The following MOCOS variants were observed in gnomAD, a reference collection of about 807,000 sequenced individuals.
MOCOS encodes the protein human molybdenum cofactor sulfurase.
MOCOS carries 86 observed loss-of-function variants against 83.6 expected under a neutral mutation model. That is an observed-to-expected ratio of 1.03 (90% CI 0.86 to 1.23). MOCOS has a LOEUF of 1.23. Ranked by LOEUF, MOCOS falls within the 50% of genes most tolerant of loss-of-function variation. The probability of loss-of-function intolerance (pLI) is 0.00; values close to 1 mark genes in which losing one functional copy is unlikely to be tolerated. For missense variants in MOCOS, 1,120 were observed against 1,126.9 expected (o/e 0.99, Z 0.09); for synonymous variants, 445 against 434.7 (o/e 1.02, Z -0.29).
intron 12 of MOCOS, 73 bp downstream of exon 12, chr18:36,257,146 C>A: frequency 7.7e-7 from 1 of 1,303,106 alleles, no homozygotes; most frequent in Non-Finnish European, 1.1e-6. Context: ...TGGCACCTGC[C>A]TGGAGCGGAG....
At chr18:36,255,906 G>C (rs76702871) in intron 11 of MOCOS, among the ~76,000 whole-genome samples, 1 of 65,676 alleles carries the variant, frequency 1.5e-5, no homozygotes, top group Non-Finnish European at 2.7e-5. Flanking sequence ...TTTTTTTTTA[G>C]ACAGTTTTGC....
At chr18:36,257,500 G>T (rs995994880) in intron 12 of MOCOS, among the ~76,000 whole-genome samples, 2 of 152,062 alleles carry the variant, frequency 1.3e-5, no homozygotes, top group African/African-American at 4.8e-5. Context: ...AGCTTTTAAA[G>T]TTGTAATTGC....
In MOCOS at chr18:36,187,508, G is replaced by T. The variant is rs771394435; in HGVS notation, c.-32G>T. 1 of 1,228,422 alleles carries T rather than the reference G, an allele frequency of 8.1e-7. No homozygotes were observed. Among genetic ancestry groups the T allele is most frequent in the Non-Finnish European group, 1.0e-6 (1 of 985,248 alleles). 76.1% of individuals were successfully genotyped at this position (1,228,422 alleles called of 1,614,324 possible). A position where few individuals can be genotyped will look rare whatever the true frequency, so the allele number is the denominator to read the frequency against. On this transcript the variant is annotated 5_prime_UTR_variant, in exon 1 of 15. Transcript: ENST00000261326. ...GGGGCCGGCTTCGCGCACTTCCCGG[G>T]CCCGGCCGGCCTGGATGGACTAGCC...
intron 3 of MOCOS, 50 bp from the exon 4 acceptor site, chr18:36,199,633 A>C: frequency 6.2e-7 from 1 of 1,610,532 alleles, no homozygotes; most frequent in South Asian, 1.1e-5. Context: ...GCAAACATTC[A>C]GTGCTGGGGC....
intron 9 of MOCOS, among the ~76,000 whole-genome samples, chr18:36,226,894 T>TG (rs963454542): frequency 2.6e-5 from 4 of 151,040 alleles, no homozygotes; most frequent in African/African-American, 7.3e-5. Flanking sequence ...GTATCTTTTT[T>TG]TTTTTTTTTT....
intron 1 of MOCOS, among the ~76,000 whole-genome samples, chr18:36,192,406 C>T (rs2091369554): frequency 6.6e-6 from 1 of 152,100 alleles, no homozygotes; most frequent in Non-Finnish European, 1.5e-5. Flanking sequence ...AAAGAAGTAT[C>T]ACATACACTG....
chr18:36,207,962 A>G (rs1284574435), intron 6 of MOCOS, among the ~76,000 whole-genome samples: 1 of 151,964 alleles, frequency 6.6e-6, no homozygotes, highest in Non-Finnish European at 1.5e-5. Flanking sequence ...TCTTGAGTTT[A>G]TTTTTTTATG....
intron 10 of MOCOS, among the ~76,000 whole-genome samples, chr18:36,249,247 C>T (rs2091613827): frequency 6.6e-6 from 1 of 152,150 alleles, no homozygotes; most frequent in Non-Finnish European, 1.5e-5. Flanking sequence ...CTAGTTATAC[C>T]TCCACAGGGC....
At chr18:36,225,952 T>C (rs2091513738) in intron 9 of MOCOS, among the ~76,000 whole-genome samples, 1 of 151,774 alleles carries the variant, frequency 6.6e-6, no homozygotes, top group African/African-American at 2.4e-5. Context: ...TTTTAAGTCT[T>C]GTTTTAAGAC....
At chr18:36,214,086 A>G (rs553456932) in intron 7 of MOCOS, among the ~76,000 whole-genome samples, 4 of 151,756 alleles carry the variant, frequency 2.6e-5, no homozygotes, top group African/African-American at 9.7e-5. Flanking sequence ...TACTGAAAAT[A>G]TAAAATTATC....
chr18:36,233,458 T>C (rs1170243518), intron 9 of MOCOS, among the ~76,000 whole-genome samples: 2 of 152,224 alleles, frequency 1.3e-5, no homozygotes, highest in Admixed American at 1.3e-4. Flanking sequence ...TTAGGCTGGT[T>C]CCATATTTTT....
rs528119467 is a variant in MOCOS at position 36,270,711 on chromosome 18, CAAA to C, written c.*2043_*2045del. The C allele has an allele frequency of 0.043, 4,972 of 114,766 alleles. 140 individuals carry two copies. The highest frequency in any genetic ancestry group is 0.076 in the African/African-American group (2,483 of 32,644). 7.1% of individuals were successfully genotyped at this position (114,766 alleles called of 1,614,324 possible). ...CTGGTGACAGAGCAAGACTCCATCT[CAAA>C]AAAAAAAAAAAAAAAATTAGGTCAC... On this transcript the variant is annotated 3_prime_UTR_variant, in exon 15 of 15. Coordinates refer to ENST00000261326, the MANE Select transcript of MOCOS (RefSeq NM_017947.4).
chr18:36,267,430 A>G (rs1191955849), intron 14 of MOCOS, among the ~76,000 whole-genome samples: 1 of 152,250 alleles, frequency 6.6e-6, no homozygotes, highest in Non-Finnish European at 1.5e-5. Context: ...CAGTCAGGCT[A>G]CATAGAACAA....
In MOCOS at chr18:36,205,141, C is replaced by T; in HGVS notation, c.1083C>T (p.Ser361=). The part of the protein sequence containing the change: ...TLAQYTYVAL[S]SLQYPNGAPV... ...CTCAGTATACCTACGTGGCCCTGTC[C>T]TCTCTCCAGTACCCCAATGGAGCCC... The change falls in exon 6 of 15, where the codon TCC becomes TCT. Residue 361 remains serine (S), a synonymous_variant. Transcript: ENST00000261326. 1 of 1,611,176 alleles carries T rather than the reference C, an allele frequency of 6.2e-7. No individual in the cohort carries two copies. Among genetic ancestry groups the T allele is most frequent in the Non-Finnish European group, 8.5e-7 (1 of 1,177,580 alleles).
At chr18:36,245,039 G>T (rs8097690) in intron 9 of MOCOS, among the ~76,000 whole-genome samples, 2,670 of 152,194 alleles carry the variant, frequency 0.018, 80 homozygotes, top group African/African-American at 0.061. Flanking sequence ...TGAGTCTCTT[G>T]AAGACAGTAG....
intron 4 of MOCOS, among the ~76,000 whole-genome samples, chr18:36,202,545 A>G (rs939163425): frequency 8.5e-5 from 13 of 152,246 alleles, no homozygotes; most frequent in African/African-American, 3.1e-4. Context: ...GGTCAGGGCC[A>G]GAGGCAGCTG....
At chr18:36,204,140 C>T (rs1438442305) in intron 5 of MOCOS, among the ~76,000 whole-genome samples, 1 of 152,194 alleles carries the variant, frequency 6.6e-6, no homozygotes, top group Non-Finnish European at 1.5e-5. Context: ...GTAGTAAATA[C>T]ATTCACAATG....
At chr18:36,243,606 G>A (rs1598589008) in intron 9 of MOCOS, among the ~76,000 whole-genome samples, 1 of 151,976 alleles carries the variant, frequency 6.6e-6, no homozygotes. Context: ...CCTGGTTTTG[G>A]TATTAGGGTG....
intron 8 of MOCOS, 27 bp downstream of exon 8, chr18:36,216,004 A>G: frequency 2.5e-6 from 4 of 1,590,418 alleles, no homozygotes; most frequent in Non-Finnish European, 3.4e-6. Context: ...CAGCACAGAA[A>G]GTCTTCTCTT....
Sources: allele counts gnomAD v4.1 joint callset (sites outside exome capture counted in the v4.1 genomes callset), GRCh38; gene constraint gnomAD v4.1.1; transcripts MANE v1.5; gene names NCBI Gene and HGNC (gene_info 2026-07-23, HGNC 2026-07-21).